Variants in SRRM1 observed in about 807,000 individuals in gnomAD.
SRRM1 encodes serine/arginine repetitive matrix protein 1.
A neutral mutation model predicts 110.2 loss-of-function variants in SRRM1; 19 were observed. The ratio of observed to expected loss-of-function variants is 0.17; its 90% CI spans 0.12 to 0.25. The LOEUF (loss-of-function observed/expected upper bound fraction) is 0.25, where lower values mean the gene tolerates loss of function less well. SRRM1 is among the 10% of genes least tolerant of loss of function. The probability of loss-of-function intolerance (pLI) is 1.00; values close to 1 mark genes in which losing one functional copy is unlikely to be tolerated. For synonymous variants in SRRM1, 443 were observed against 414.9 expected, an observed-to-expected ratio of 1.07 and a Z score of -0.82; for missense variants, 918 against 1,145.8, an observed-to-expected ratio of 0.80 and a Z score of 2.87.
Position 24,662,786 on chromosome 1 carries a change from A to G in SRRM1, c.1610A>G (p.Gln537Arg). ...GCTTCTCCATCACCACGAAAGCGCC[A>G]AAAAGAGACTTCCCCTCGGTAACAT... ...RSASPSPRKR[Q>R]KETSPRGRRR... The change falls in exon 12 of 17, where the codon CAA becomes CGA. Residue 537 changes from glutamine to arginine, a missense_variant. Gln to Arg is a conservative substitution (Grantham distance 43, BLOSUM62 1). Coordinates refer to ENST00000323848, the MANE Select transcript of SRRM1 (RefSeq NM_005839.4). The G allele has an allele frequency of 2.5e-6, 4 of 1,614,174 alleles. No homozygotes were observed. The East Asian group carries it at 6.7e-5, about 27-fold the overall frequency.
intron 5 of SRRM1, 85 bp from the exon 6 acceptor site, chr1:24,651,324 A>G: frequency 9.2e-7 from 1 of 1,081,590 alleles, no homozygotes; most frequent in East Asian, 2.5e-5. Context: ...TAGTGTAACT[A>G]AAGATTAATC....
intron 9 of SRRM1, among the ~76,000 whole-genome samples, chr1:24,655,482 TTTTGG>T (rs1663549080): frequency 6.6e-6 from 1 of 152,168 alleles, no homozygotes; most frequent in Admixed American, 6.5e-5. Context: ...TCCTGAAGAT[TTTTGG>T]TTTGATATCT....
chr1:24,646,143 T>A, intron 2 of SRRM1, 70 bp downstream of exon 2: 2 of 1,191,456 alleles, frequency 1.7e-6, no homozygotes, highest in Non-Finnish European at 2.5e-6. Flanking sequence ...TGGGGTTGTT[T>A]TGGAGATGCA....
chr1:24,650,105 A>G lies in SRRM1; in HGVS notation c.521+19A>G, dbSNP rs1283155573. On this transcript the variant is annotated intron_variant, in intron 5 of 16. Coordinates refer to ENST00000323848, the MANE Select transcript of SRRM1 (RefSeq NM_005839.4). ...CAAGAAGGTATCATACAATAGATGC[A>G]TAACTGATGTTTTACAGGTACTTTA... The G allele has an allele frequency of 2.6e-6, 4 of 1,520,606 alleles. No homozygotes were observed. Among genetic ancestry groups the G allele is most frequent in the Non-Finnish European group, 3.5e-6 (4 of 1,138,160 alleles). 94.2% of individuals were successfully genotyped at this position (1,520,606 alleles called of 1,614,324 possible).
chr1:24,652,029 A>ATATATATATATATATATATATAT (rs1661006949), intron 6 of SRRM1, among the ~76,000 whole-genome samples: 1 of 79,846 alleles, frequency 1.3e-5, no homozygotes, highest in Admixed American at 1.4e-4. Context: ...CTGTACTAAA[A>ATATATATATATATATATATATAT]ATATATATAT....
chr1:24,644,498 C>G (rs993228063), intron 1 of SRRM1, among the ~76,000 whole-genome samples: 2 of 152,188 alleles, frequency 1.3e-5, no homozygotes, highest in Non-Finnish European at 2.9e-5. Context: ...AGGGCCAGAA[C>G]TTTAGTAAAA....
At chr1:24,645,055 T>C (rs1474403087) in intron 1 of SRRM1, among the ~76,000 whole-genome samples, 5 of 152,350 alleles carry the variant, frequency 3.3e-5, no homozygotes, top group African/African-American at 1.2e-4. Context: ...TCAGGTAGTA[T>C]AGAAGTTATA....
At chr1:24,663,384 CATTAG>C (rs1402372657) in intron 12 of SRRM1, among the ~76,000 whole-genome samples, 1 of 152,112 alleles carries the variant, frequency 6.6e-6, no homozygotes, top group Non-Finnish European at 1.5e-5. Flanking sequence ...TTTTTTAACA[CATTAG>C]ATTAATGATA....
intron 9 of SRRM1, among the ~76,000 whole-genome samples, chr1:24,659,359 G>C (rs1665971850): frequency 6.6e-6 from 1 of 152,160 alleles, no homozygotes; most frequent in African/African-American, 2.4e-5. Context: ...CTGAATGTGA[G>C]TGTCTGTTAA....
chr1:24,645,099 A>G (rs1197357238), intron 1 of SRRM1, among the ~76,000 whole-genome samples: 3 of 152,216 alleles, frequency 2.0e-5, no homozygotes, highest in African/African-American at 2.4e-5. Flanking sequence ...CACATGCCAG[A>G]TACTTTACAT....
chr1:24,669,556 T>A lies in SRRM1; in HGVS notation c.2173T>A (p.Ser725Thr). 6.3e-7 allele frequency: 1 copy of A among 1,596,442 alleles called. No individual in the cohort carries two copies. Among genetic ancestry groups the A allele is most frequent in the Non-Finnish European group, 8.5e-7 (1 of 1,169,860 alleles). Residue 725 changes from serine to threonine, a missense_variant, in exon 14 of 17, where the codon TCC becomes ACC. By Grantham distance (58) the Ser-to-Thr change is moderately conservative (BLOSUM62 1). Coordinates refer to ENST00000323848, the MANE Select transcript of SRRM1 (RefSeq NM_005839.4). ...AAGTACTAGGCCCATTAGGAGAGTC[T>A]CCAGGACTCCGGAACCTAAAAAGAT... ...SPSTRPIRRVSRTPEPKKIKK... is the reference protein window; with the variant it reads ...SPSTRPIRRVTRTPEPKKIKK...
chr1:24,658,122 G>A (rs1331311222), intron 9 of SRRM1, among the ~76,000 whole-genome samples: 13 of 152,052 alleles, frequency 8.5e-5, no homozygotes. Flanking sequence ...GAAATCTGAA[G>A]TGCTGTTATA....
At position 24,662,706 on chromosome 1, in the gene SRRM1, C is replaced by T. The variant is rs755295325; in HGVS notation, c.1530C>T (p.Ser510=). 1 of 1,613,932 alleles carries T rather than the reference C, an allele frequency of 6.2e-7. No homozygotes were observed. The highest frequency in any genetic ancestry group is 8.5e-7 in the Non-Finnish European group (1 of 1,180,006). Residue 510 remains serine, a synonymous_variant, in exon 12 of 17, where the codon TCC becomes TCT. Transcript: ENST00000323848. ...CAGAAGATGAACGACCCAAGAGATC[C>T]CATGTGAAGAATGGTGAGGTTGGCA... The part of the protein sequence containing the change: ...SSSEDERPKR[S]HVKNGEVGRR...
chr1:24,658,249 C>T (rs1665308986), intron 9 of SRRM1, among the ~76,000 whole-genome samples: 2 of 136,764 alleles, frequency 1.5e-5, no homozygotes, highest in South Asian at 2.2e-4. Context: ...CTTGCTCTGT[C>T]GCCCAGGCTG....
chr1:24,652,051 T>C (rs1160881034), intron 6 of SRRM1, among the ~76,000 whole-genome samples: 2 of 133,576 alleles, frequency 1.5e-5, no homozygotes, highest in African/African-American at 2.7e-5. Context: ...TATATATATA[T>C]ATATATATAT....
chr1:24,669,704 CTT>C, intron 14 of SRRM1, 117 bp downstream of exon 14: 2 of 815,948 alleles, frequency 2.5e-6, no homozygotes, highest in South Asian at 1.9e-5. Flanking sequence ...TTAAGTCAAA[CTT>C]GAGGTACTAT....
At chr1:24,670,578 C>T (rs1323567756) in intron 15 of SRRM1, among the ~76,000 whole-genome samples, 2 of 152,162 alleles carry the variant, frequency 1.3e-5, no homozygotes, top group Non-Finnish European at 2.9e-5. Flanking sequence ...CTCACAGCAG[C>T]CTTCCTGGAC....
intron 9 of SRRM1, among the ~76,000 whole-genome samples, chr1:24,658,131 T>C (rs182765928): frequency 2.6e-5 from 4 of 152,210 alleles, no homozygotes; most frequent in Non-Finnish European, 5.9e-5. Context: ...AGTGCTGTTA[T>C]AATATTAATA....
intron 14 of SRRM1, chr1:24,669,910 C>T: frequency 1.8e-6 from 1 of 569,680 alleles, no homozygotes; most frequent in South Asian, 2.6e-5. Context: ...TAAGAAGCAT[C>T]ATTAACAGAA....
Sources: gnomAD v4.1 joint callset for allele counts (sites outside exome capture counted in the v4.1 genomes callset) on GRCh38, gnomAD v4.1.1 for gene constraint, MANE v1.5 for transcripts, NCBI Gene and HGNC (gene_info 2026-07-23, HGNC 2026-07-21) for gene names.